NRXN3: variants seen among roughly 807,000 people sequenced by gnomAD.
NRXN3 encodes the protein neurexin III.
NRXN3 carries 32 observed loss-of-function variants against 137.6 expected under a neutral mutation model. The observed-to-expected ratio is 0.23, with a 90% CI of 0.18 to 0.31. NRXN3 has a LOEUF of 0.31. NRXN3 is among the 10% of genes least tolerant of loss of function. NRXN3 has a pLI of 1.00. For missense variants in NRXN3, 1,574 were observed against 2,062.5 expected, an observed-to-expected ratio of 0.76 and a Z score of 4.59; for synonymous variants, 798 against 784.5, an observed-to-expected ratio of 1.02 and a Z score of -0.29.
At chr14:79,569,108 A>G (rs1288281041) in intron 16 of NRXN3, among the ~76,000 whole-genome samples, 1 of 152,096 alleles carries the variant, frequency 6.6e-6, no homozygotes, top group Non-Finnish European at 1.5e-5. Flanking sequence ...ACAACACACA[A>G]ACACAGATCT....
At chr14:78,237,775 C>T (rs117745937) in intron 1 of NRXN3, among the ~76,000 whole-genome samples, 2 of 152,224 alleles carry the variant, frequency 1.3e-5, no homozygotes, top group East Asian at 3.9e-4. Flanking sequence ...CATTTACCTG[C>T]AAAGTGGGGT....
At chr14:78,477,761 AG>A (rs1237364749) in intron 4 of NRXN3, among the ~76,000 whole-genome samples, 1 of 152,254 alleles carries the variant, frequency 6.6e-6, no homozygotes, top group Admixed American at 6.5e-5. Flanking sequence ...AAAGGATAAA[AG>A]CAGAAAGTTG....
rs1362161181 is a variant in NRXN3 at position 78,198,989 on chromosome 14, G to C, written c.-704+28315G>C. ...GAAAAAAACCTCTGACCAGTTTCTG[G>C]CTGAGGAACAGGGCTCCTGGCTCCA... On this transcript the variant is annotated intron_variant, in intron 1 of 20. Coordinates refer to ENST00000335750, the MANE Select transcript of NRXN3 (RefSeq NM_001330195.2). 5.3e-5 allele frequency among the ~76,000 whole-genome samples: 8 copies of C among 152,212 alleles called. No individual in the cohort carries two copies. The East Asian group carries it at 1.3e-3, about 26-fold the overall frequency.
intron 15 of NRXN3, among the ~76,000 whole-genome samples, chr14:79,100,615 A>T (rs2051101950): frequency 1.3e-5 from 2 of 152,002 alleles, no homozygotes; most frequent in Admixed American, 1.3e-4. Context: ...ATTGCCTTCT[A>T]AAAGGGTTAT....
At chr14:79,812,134 T>A (rs986593269) in intron 20 of NRXN3, among the ~76,000 whole-genome samples, 2 of 151,964 alleles carry the variant, frequency 1.3e-5, no homozygotes, top group African/African-American at 4.8e-5. Context: ...AATAAAAAAA[T>A]GAAAAAAATT....
intron 15 of NRXN3, among the ~76,000 whole-genome samples, chr14:79,380,451 G>A (rs1320578757): frequency 1.3e-5 from 2 of 150,980 alleles, no homozygotes; most frequent in Admixed American, 6.6e-5. Flanking sequence ...TGCGGTGTTC[G>A]GTTTTCTGTC....
At chr14:79,428,662 G>A (rs2043588) in intron 15 of NRXN3, among the ~76,000 whole-genome samples, 33,732 of 152,030 alleles carry the variant, frequency 0.22, 4,542 homozygotes, top group Admixed American at 0.33. Flanking sequence ...AAAATCAGCT[G>A]GGGGTACAAG....
At chr14:78,668,973 T>C (rs537480907) in intron 6 of NRXN3, among the ~76,000 whole-genome samples, 12 of 152,264 alleles carry the variant, frequency 7.9e-5, no homozygotes, top group Admixed American at 6.5e-4. Context: ...TCTATCTACC[T>C]ACCTACCTAG....
chr14:79,008,902 C>T (rs753268469), intron 15 of NRXN3, among the ~76,000 whole-genome samples: 4 of 152,074 alleles, frequency 2.6e-5, no homozygotes, highest in Non-Finnish European at 4.4e-5. Flanking sequence ...CATGATCCAC[C>T]CGCCTTGGCC....
At position 79,445,197 on chromosome 14, in the gene NRXN3, G is replaced by A. The variant is rs151333191; in HGVS notation, c.3263-22024G>A. Among the ~76,000 whole-genome samples, 187 of 151,850 alleles carry A rather than the reference G, an allele frequency of 1.2e-3. 1 individual carries two copies. The highest frequency in any genetic ancestry group is 4.3e-3 in the African/African-American group (179 of 41,436). The stretch of plus-strand genomic sequence containing the variant: ...TCTACTAAAAATACAAAAATTACCC[G>A]GGTGTGGTGACACACACCTGTAGTC... On this transcript the variant is annotated intron_variant, in intron 15 of 20. Transcript: ENST00000335750.
At chr14:79,464,609 T>C (rs930122636) in intron 15 of NRXN3, among the ~76,000 whole-genome samples, 9 of 152,158 alleles carry the variant, frequency 5.9e-5, no homozygotes, top group Non-Finnish European at 1.3e-4. Context: ...CATGCCAAAT[T>C]TGGGGGCTGT....
chr14:79,532,370 A>G (rs1435240674), intron 16 of NRXN3, among the ~76,000 whole-genome samples: 5 of 152,172 alleles, frequency 3.3e-5, no homozygotes, highest in African/African-American at 7.2e-5. Flanking sequence ...GCACTATGCT[A>G]CTCTGAGAGG....
At position 79,638,463 on chromosome 14, in the gene NRXN3, G is replaced by A. The variant is rs116429400; in HGVS notation, c.3445-25315G>A. Among the ~76,000 whole-genome samples, 1,370 of 152,270 alleles carry A rather than the reference G, an allele frequency of 9.0e-3. 19 individuals carry two copies. Among genetic ancestry groups the A allele is most frequent in the African/African-American group, 0.032 (1,310 of 41,540 alleles). Reference sequence around the variant, plus strand: ...AGTAGAACAGAGGAGAAAAGGAATTGAAAATTCAGGTCTGTCAAACTGTAA... The same window carrying A: ...AGTAGAACAGAGGAGAAAAGGAATTAAAAATTCAGGTCTGTCAAACTGTAA... On this transcript the variant is annotated intron_variant, in intron 16 of 20. Coordinates refer to ENST00000335750, the MANE Select transcript of NRXN3 (RefSeq NM_001330195.2).
chr14:78,313,199 AG>A (rs1321300727), intron 4 of NRXN3, among the ~76,000 whole-genome samples: 2 of 152,318 alleles, frequency 1.3e-5, no homozygotes, highest in African/African-American at 4.8e-5. Context: ...GAGGATTCAC[AG>A]GCTTACTGTC....
chr14:79,668,665 C>T (rs1038103381), intron 17 of NRXN3, among the ~76,000 whole-genome samples: 2 of 152,080 alleles, frequency 1.3e-5, no homozygotes, highest in South Asian at 2.1e-4. Context: ...AACCTATTGA[C>T]ATTTGGGGCT....
chr14:79,428,238 C>G (rs928522652), intron 15 of NRXN3, among the ~76,000 whole-genome samples: 2 of 151,998 alleles, frequency 1.3e-5, no homozygotes, highest in Admixed American at 6.6e-5. Flanking sequence ...TTTTCAGGAG[C>G]CTGACAGAAA....
intron 15 of NRXN3, among the ~76,000 whole-genome samples, chr14:79,114,364 C>CT (rs927613511): frequency 1.5e-4 from 23 of 151,614 alleles, no homozygotes; most frequent in Admixed American, 2.6e-4. Flanking sequence ...GATATATATT[C>CT]TTTTTTTTTG....
chr14:78,621,241 A>C (rs573403623), intron 4 of NRXN3, among the ~76,000 whole-genome samples: 1 of 152,320 alleles, frequency 6.6e-6, no homozygotes, highest in South Asian at 2.1e-4. Context: ...GGCACAAAGA[A>C]ATAAGACAGC....
At chr14:79,022,985 A>T (rs1253006178) in intron 15 of NRXN3, among the ~76,000 whole-genome samples, 1 of 152,120 alleles carries the variant, frequency 6.6e-6, no homozygotes, top group Admixed American at 6.6e-5. Flanking sequence ...CCAAGCATCC[A>T]TAGGGAAGGA....
Sources: gnomAD v4.1 joint callset for allele counts (sites outside exome capture counted in the v4.1 genomes callset) on GRCh38, gnomAD v4.1.1 for gene constraint, MANE v1.5 for transcripts, NCBI Gene and HGNC (gene_info 2026-07-23, HGNC 2026-07-21) for gene names.